Variants in SHANK2 observed in about 807,000 individuals in gnomAD.
SHANK2 encodes the protein SH3 and multiple ankyrin repeat domains protein 2.
Under a neutral mutation model 133.7 loss-of-function variants are expected in SHANK2, and 43 were observed. The observed-to-expected ratio is 0.32, with a 90% CI of 0.25 to 0.41. SHANK2 has a LOEUF of 0.41. Ranked by LOEUF, SHANK2 falls within the 10% of genes least tolerant of loss-of-function variation. The pLI, the probability that SHANK2 is intolerant of heterozygous loss-of-function variation, is 1.00. For missense variants in SHANK2, 1,994 were observed against 2,235.8 expected (o/e 0.89, Z 2.18); for synonymous variants, 1,017 against 952.8 (o/e 1.07, Z -1.24).
At chr11:70,582,510 TA>T (rs1439131907) in intron 17 of SHANK2, among the ~76,000 whole-genome samples, 4 of 152,178 alleles carry the variant, frequency 2.6e-5, no homozygotes, top group African/African-American at 9.6e-5. Context: ...AGGCAGCAGA[TA>T]TAAGCTCAGG....
chr11:70,616,235 G>A (rs1012643966), intron 17 of SHANK2, among the ~76,000 whole-genome samples: 2 of 152,288 alleles, frequency 1.3e-5, no homozygotes, highest in African/African-American at 4.8e-5. Context: ...TCCTTGCTCC[G>A]ATAAGTAGCT....
At chr11:70,900,170 A>G (rs1555076469) in intron 10 of SHANK2, among the ~76,000 whole-genome samples, 1 of 152,110 alleles carries the variant, frequency 6.6e-6, no homozygotes, top group African/African-American at 2.4e-5. Flanking sequence ...CCTGGCCAAC[A>G]TGGTGAAATC....
chr11:71,225,020 A>G (rs1954617716), intron 1 of SHANK2, among the ~76,000 whole-genome samples: 1 of 152,206 alleles, frequency 6.6e-6, no homozygotes. Flanking sequence ...CAAGGTGGAG[A>G]GAAGGCAGAC....
At chr11:70,586,251 G>C (rs188192416) in intron 17 of SHANK2, among the ~76,000 whole-genome samples, 1 of 152,188 alleles carries the variant, frequency 6.6e-6, no homozygotes, top group Non-Finnish European at 1.5e-5. Flanking sequence ...TGAGGAAAGA[G>C]AGCTGTGAGG....
intron 21 of SHANK2, among the ~76,000 whole-genome samples, chr11:70,496,576 C>T (rs572065485): frequency 2.6e-5 from 4 of 152,204 alleles, no homozygotes; most frequent in Non-Finnish European, 5.9e-5. Flanking sequence ...AGTTCTGGGC[C>T]GATCATCCTG....
intron 17 of SHANK2, among the ~76,000 whole-genome samples, chr11:70,529,553 G>T (rs558472357): frequency 1.3e-5 from 2 of 152,184 alleles, no homozygotes; most frequent in Non-Finnish European, 2.9e-5. Context: ...ATACACCTTC[G>T]CATTGTGGTA....
intron 17 of SHANK2, among the ~76,000 whole-genome samples, chr11:70,542,756 A>G (rs2059638486): frequency 6.6e-6 from 1 of 152,196 alleles, no homozygotes; most frequent in Admixed American, 6.5e-5. Flanking sequence ...CATTTTCACA[A>G]GACAACCTGA....
At chr11:71,139,234 G>A (rs1422647212) in intron 3 of SHANK2, among the ~76,000 whole-genome samples, 3 of 152,082 alleles carry the variant, frequency 2.0e-5, no homozygotes, top group African/African-American at 7.2e-5. Context: ...CCAGGCCTCA[G>A]GGAGAGGCGG....
At position 70,739,726 on chromosome 11, in the gene SHANK2, G is replaced by A. The variant is rs552435251; in HGVS notation, c.1778-40963C>T. Among the ~76,000 whole-genome samples, 1 of 152,202 alleles carries A rather than the reference G, an allele frequency of 6.6e-6. No individual in the cohort carries two copies. The highest frequency in any genetic ancestry group is 1.9e-4 in the East Asian group (1 of 5,192). On this transcript the variant is annotated intron_variant, in intron 14 of 25. Coordinates refer to ENST00000601538, the MANE Select transcript of SHANK2 (RefSeq NM_012309.5). This position sits in a 1 kb window ranked among gnomAD's most constrained non-coding sequence, Gnocchi z 4.3. The stretch of plus-strand genomic sequence containing the variant: ...AACCCCTGCTCCTCAGAATGTGACT[G>A]TATTTGGAGATAAGGTCTTTAAAGA...
chr11:70,829,565 C>T (rs1948696687), intron 11 of SHANK2, among the ~76,000 whole-genome samples: 1 of 152,166 alleles, frequency 6.6e-6, no homozygotes, highest in African/African-American at 2.4e-5. Context: ...CAGAAGACAG[C>T]CAGCCAGATC....
intron 17 of SHANK2, among the ~76,000 whole-genome samples, chr11:70,558,316 C>T (rs557423064): frequency 9.2e-5 from 14 of 152,216 alleles, no homozygotes; most frequent in Non-Finnish European, 1.5e-4. Flanking sequence ...GACAATGCCA[C>T]GGGAGCTCTC....
At chr11:70,775,547 T>C (rs1246660657) in intron 14 of SHANK2, among the ~76,000 whole-genome samples, 1 of 152,198 alleles carries the variant, frequency 6.6e-6, no homozygotes, top group Non-Finnish European at 1.5e-5. Context: ...AGGTGAGTGT[T>C]GACTCTAGAC....
At position 70,804,454 on chromosome 11, in the gene SHANK2, C is replaced by T. The variant is rs2135258059; in HGVS notation, c.1663+2548G>A. On this transcript the variant is annotated intron_variant, in intron 13 of 25. Transcript: ENST00000601538. The surrounding 1 kb of genome is among the most constrained non-coding windows in gnomAD (Gnocchi z 4.1). ...AGAACAGCAGTCCTTTGCCATCGAT[C>T]CTTTGAAGTGTGAGTTTTGGAACCG... Among the ~76,000 whole-genome samples, 1 of 152,310 alleles carries T rather than the reference C, an allele frequency of 6.6e-6. No homozygotes were observed. Among genetic ancestry groups the T allele is most frequent in the East Asian group, 1.9e-4 (1 of 5,166 alleles).
chr11:71,076,506 A>C (rs1297151296), intron 8 of SHANK2, among the ~76,000 whole-genome samples: 4 of 147,604 alleles, frequency 2.7e-5, no homozygotes, highest in Admixed American at 2.0e-4. Context: ...AAACAAAAAA[A>C]AAACAAACAA....
intron 14 of SHANK2, among the ~76,000 whole-genome samples, chr11:70,717,890 A>C (rs573707556): frequency 1.3e-5 from 2 of 152,302 alleles, no homozygotes; most frequent in Admixed American, 1.3e-4. Flanking sequence ...AAGAAGAAAG[A>C]TGGCTCCGGG....
At chr11:70,578,602 A>C (rs2060146131) in intron 17 of SHANK2, among the ~76,000 whole-genome samples, 1 of 152,162 alleles carries the variant, frequency 6.6e-6, no homozygotes, top group Non-Finnish European at 1.5e-5. Context: ...GTCCCCGAGA[A>C]GGTGGGGGGC....
chr11:70,486,138 C>G lies in SHANK2; in HGVS notation c.4155G>C (p.Val1385=). Residue 1385 remains valine, a synonymous_variant, in exon 25 of 26, where the codon GTG becomes GTC. Coordinates refer to ENST00000601538, the MANE Select transcript of SHANK2 (RefSeq NM_012309.5). This position sits in a 1 kb window ranked among gnomAD's most constrained non-coding sequence, Gnocchi z 8.0. ...IVAVGSMEEA[V]ILPFRIPPPP... The stretch of plus-strand genomic sequence containing the variant: ...GAGGAGGGATGCGGAATGGCAAAAT[C>G]ACCGCCTCTTCCATGGAGCCCACCG... 1 of 1,614,006 alleles carries G rather than the reference C, an allele frequency of 6.2e-7. No individual in the cohort carries two copies. The highest frequency in any genetic ancestry group is 8.5e-7 in the Non-Finnish European group (1 of 1,180,002).
At chr11:71,064,957 C>G (rs1254767683) in intron 9 of SHANK2, among the ~76,000 whole-genome samples, 3 of 152,178 alleles carry the variant, frequency 2.0e-5, no homozygotes, top group Admixed American at 2.0e-4. Flanking sequence ...CTAGAAGGCG[C>G]ACAAGGACAC....
intron 11 of SHANK2, among the ~76,000 whole-genome samples, chr11:70,884,786 T>C (rs2135593940): frequency 6.6e-6 from 1 of 152,348 alleles, no homozygotes; most frequent in African/African-American, 2.4e-5. Flanking sequence ...AATGGCGCGA[T>C]TTCGGCTCAC....
Sources: gnomAD v4.1 joint callset for allele counts (sites outside exome capture counted in the v4.1 genomes callset) on GRCh38, gnomAD v4.1.1 for gene constraint, Gnocchi (gnomAD v3.1) non-coding constraint, MANE v1.5 for transcripts, NCBI Gene and HGNC (gene_info 2026-07-23, HGNC 2026-07-21) for gene names.